The following SRGAP3 variants were observed in gnomAD, a reference collection of about 807,000 sequenced individuals.
SRGAP3 encodes the protein SLIT-ROBO Rho GTPase activating protein 3.
SRGAP3 carries 39 observed loss-of-function variants against 121.1 expected under a neutral mutation model. The ratio of observed to expected loss-of-function variants is 0.32; its 90% confidence interval spans 0.25 to 0.42. The LOEUF (loss-of-function observed/expected upper bound fraction) is 0.42, where lower values mean the gene tolerates loss of function less well. Ranked by LOEUF, SRGAP3 falls within the 10% of genes least tolerant of loss-of-function variation. SRGAP3 has a pLI of 1.00. For missense variants in SRGAP3, 1,213 were observed against 1,470.6 expected, an observed-to-expected ratio of 0.82 and a Z score of 2.86; for synonymous variants, 601 against 570.0, an observed-to-expected ratio of 1.05 and a Z score of -0.77.
chr3:9,294,552 A>AAC (rs111238094), intron 3 of SRGAP3, among the ~76,000 whole-genome samples: 43,099 of 150,964 alleles, frequency 0.29, 6,322 homozygotes, highest in Admixed American at 0.31. Context: ...CAAACAAACA[A>AAC]AAAAAAACAC....
At chr3:9,347,240 A>C (rs577708373) in intron 1 of SRGAP3, among the ~76,000 whole-genome samples, 125 of 152,306 alleles carry the variant, frequency 8.2e-4, no homozygotes, top group African/African-American at 3.0e-3. Context: ...ATCATGGCTC[A>C]CTGCAACCTC....
chr3:9,260,964 C>G (rs1954241911), intron 3 of SRGAP3, among the ~76,000 whole-genome samples: 1 of 152,214 alleles, frequency 6.6e-6, no homozygotes, highest in African/African-American at 2.4e-5. Context: ...CAGCTGGCAT[C>G]TGGCGGGTGC....
At chr3:9,326,614 G>T (rs567966611) in intron 2 of SRGAP3, among the ~76,000 whole-genome samples, 1 of 151,838 alleles carries the variant, frequency 6.6e-6, no homozygotes, top group Admixed American at 6.5e-5. Context: ...CCTCTCGAAT[G>T]CCAGTTGCTT....
chr3:9,318,006 T>A (rs1037230753), intron 3 of SRGAP3, among the ~76,000 whole-genome samples: 1 of 152,036 alleles, frequency 6.6e-6, no homozygotes, highest in African/African-American at 2.4e-5. Flanking sequence ...AAATATAACA[T>A]TTCAATTTCA....
At chr3:9,323,598 T>G (rs1260402786) in intron 3 of SRGAP3, among the ~76,000 whole-genome samples, 1 of 151,796 alleles carries the variant, frequency 6.6e-6, no homozygotes, top group Non-Finnish European at 1.5e-5. Context: ...TCTTGATCTC[T>G]GGGATCCAAG....
chr3:9,353,292 A>G (rs188529507), intron 1 of SRGAP3, among the ~76,000 whole-genome samples: 13 of 152,200 alleles, frequency 8.5e-5, no homozygotes, highest in Non-Finnish European at 1.6e-4. Flanking sequence ...TTTGACTCCT[A>G]TACTAACTCA....
intron 3 of SRGAP3, among the ~76,000 whole-genome samples, chr3:9,299,848 T>C (rs1955019986): frequency 6.6e-6 from 1 of 152,086 alleles, no homozygotes; most frequent in Non-Finnish European, 1.5e-5. Flanking sequence ...GAGGTTGCGG[T>C]GAGCCAACAT....
chr3:9,314,608 T>G (rs538637569), intron 3 of SRGAP3, among the ~76,000 whole-genome samples: 1 of 150,730 alleles, frequency 6.6e-6, no homozygotes, highest in East Asian at 2.0e-4. Flanking sequence ...TGTCTTACTA[T>G]AGCCCCCTCA....
intron 3 of SRGAP3, among the ~76,000 whole-genome samples, chr3:9,270,543 C>A (rs2600162): frequency 0.67 from 102,236 of 152,004 alleles, 35,488 homozygotes; most frequent in Non-Finnish European, 0.76. Context: ...TTTAATATCC[C>A]TGTTTCTCTC....
At chr3:9,117,076 G>C (rs1435893213) in intron 2 of SRGAP3, among the ~76,000 whole-genome samples, 1 of 152,208 alleles carries the variant, frequency 6.6e-6, no homozygotes, top group Non-Finnish European at 1.5e-5. Flanking sequence ...AGCAGGTCTG[G>C]AAAGTAGGAC....
intron 1 of SRGAP3, chr3:9,349,119 A>G: frequency 1.2e-6 from 1 of 830,346 alleles, no homozygotes; most frequent in South Asian, 1.3e-5. Context: ...AAACCCATAC[A>G]GTTCCTGGGG....
chr3:9,154,006 C>T (rs1174469784), intron 1 of SRGAP3, among the ~76,000 whole-genome samples: 1 of 150,926 alleles, frequency 6.6e-6, no homozygotes, highest in African/African-American at 2.4e-5. Context: ...ACTTGTTTAT[C>T]TGGTTTGAGT....
intron 17 of SRGAP3, among the ~76,000 whole-genome samples, chr3:9,012,390 T>C (rs1446588222): frequency 6.6e-6 from 1 of 152,252 alleles, no homozygotes; most frequent in African/African-American, 2.4e-5. Flanking sequence ...GTCTCTGTCA[T>C]TGAGTGTCCT....
chr3:9,352,550 T>C (rs1441512035), intron 1 of SRGAP3, among the ~76,000 whole-genome samples: 2 of 152,162 alleles, frequency 1.3e-5, no homozygotes, highest in Non-Finnish European at 2.9e-5. Flanking sequence ...CTGGGATTAC[T>C]GGCGTGAGCC....
At chr3:9,221,253 G>T (rs925184732) in intron 1 of SRGAP3, among the ~76,000 whole-genome samples, 1 of 152,152 alleles carries the variant, frequency 6.6e-6, no homozygotes, top group Non-Finnish European at 1.5e-5. Flanking sequence ...AGTTATCTCC[G>T]GCCAGGCATG....
intron 3 of SRGAP3, among the ~76,000 whole-genome samples, chr3:9,284,227 G>T (rs2125266803): frequency 6.6e-6 from 1 of 152,014 alleles, no homozygotes; most frequent in South Asian, 2.1e-4. Flanking sequence ...TGCCACACAA[G>T]TGCTTTATGT....
rs1024127675 is a variant in SRGAP3 at position 8,984,857 on chromosome 3, G to A, written c.*662C>T. 2.6e-5 allele frequency: 6 copies of A among 229,804 alleles called. No homozygotes were observed. 14.2% of individuals were successfully genotyped at this position (229,804 alleles called of 1,614,324 possible). On this transcript the variant is annotated 3_prime_UTR_variant, in exon 22 of 22. Transcript: ENST00000383836. ...AGGCCACGACTTCTGGAGACAGTGG[G>A]AGTCTGTTTTTGTTTGTGTTTTTCT... is the stretch of plus-strand genomic sequence containing the variant.
intron 15 of SRGAP3, 93 bp from the exon 16 acceptor site, chr3:9,013,935 T>C: frequency 1.7e-6 from 2 of 1,161,760 alleles, no homozygotes; most frequent in Admixed American, 1.9e-5. Flanking sequence ...TCAACCCACG[T>C]GGATGGGGGA....
At chr3:9,028,209 C>A in intron 12 of SRGAP3, 1 of 1,582,772 alleles carries the variant, frequency 6.3e-7, no homozygotes, top group Non-Finnish European at 8.7e-7. Flanking sequence ...TTAGAGTAAG[C>A]AGATCCTTCA....
Sources: gnomAD v4.1 joint callset for allele counts (sites outside exome capture counted in the v4.1 genomes callset) on GRCh38, gnomAD v4.1.1 for gene constraint, MANE v1.5 for transcripts, NCBI Gene and HGNC (gene_info 2026-07-23, HGNC 2026-07-21) for gene names.